The following ZFHX3 variants were observed in gnomAD, a reference collection of about 807,000 sequenced individuals.
ZFHX3 encodes the protein zinc finger homeobox protein 3.
Under a neutral mutation model 279.1 loss-of-function variants are expected in ZFHX3, and 42 were observed. That is an observed-to-expected ratio of 0.15 (90% CI 0.12 to 0.19). ZFHX3 has a LOEUF of 0.19. Ranked by LOEUF, ZFHX3 falls within the 10% of genes least tolerant of loss-of-function variation. ZFHX3 has a pLI of 1.00. For synonymous variants in ZFHX3, 2,293 were observed against 1,957.8 expected, an observed-to-expected ratio of 1.17 and a Z score of -4.52; for missense variants, 4,981 against 4,754.0, an observed-to-expected ratio of 1.05 and a Z score of -1.40.
At chr16:73,484,947 A>T (rs141054830) in intron 2 of ZFHX3, among the ~76,000 whole-genome samples, 26 of 151,954 alleles carry the variant, frequency 1.7e-4, no homozygotes, top group Non-Finnish European at 2.5e-4. Context: ...TCGCCTTTAG[A>T]ACCAGACAGA....
At chr16:73,378,881 T>G (rs1206394310) in intron 3 of ZFHX3, among the ~76,000 whole-genome samples, 2 of 152,236 alleles carry the variant, frequency 1.3e-5, no homozygotes, top group Admixed American at 1.3e-4. Flanking sequence ...CCGAGATACT[T>G]ACTGTAGTAC....
chr16:73,659,636 C>T (rs2052759464), intron 2 of ZFHX3, among the ~76,000 whole-genome samples: 1 of 152,084 alleles, frequency 6.6e-6, no homozygotes, highest in South Asian at 2.1e-4. Context: ...TCTTAGTTAA[C>T]TGGATACACA....
chr16:73,713,582 C>T (rs562053375), intron 1 of ZFHX3, among the ~76,000 whole-genome samples: 6 of 151,990 alleles, frequency 3.9e-5, no homozygotes, highest in Admixed American at 6.6e-5. Flanking sequence ...CCGCAGCCAA[C>T]GGCAGCCAAA....
intron 1 of ZFHX3, among the ~76,000 whole-genome samples, chr16:73,857,511 C>T (rs780984065): frequency 6.6e-6 from 1 of 152,140 alleles, no homozygotes. Flanking sequence ...CCTTATTACA[C>T]CACTGAGAAA....
At chr16:73,801,422 C>A (rs1223291616) in intron 1 of ZFHX3, among the ~76,000 whole-genome samples, 2 of 152,156 alleles carry the variant, frequency 1.3e-5, no homozygotes, top group Non-Finnish European at 2.9e-5. Context: ...GTGTTCAATC[C>A]TTTCCTCTGA....
At chr16:73,527,690 G>A (rs935373056) in intron 2 of ZFHX3, among the ~76,000 whole-genome samples, 23 of 152,210 alleles carry the variant, frequency 1.5e-4, no homozygotes, top group African/African-American at 5.5e-4. Context: ...TCACTCTGGA[G>A]GAAGCAAGCT....
chr16:73,803,235 A>G (rs373695304), intron 1 of ZFHX3, among the ~76,000 whole-genome samples: 4 of 152,362 alleles, frequency 2.6e-5, no homozygotes, highest in South Asian at 4.1e-4. Flanking sequence ...TACAAAAGAT[A>G]CCCAACTCCA....
intron 3 of ZFHX3, among the ~76,000 whole-genome samples, chr16:73,408,337 A>T (rs1265900490): frequency 6.6e-6 from 1 of 152,148 alleles, no homozygotes; most frequent in Non-Finnish European, 1.5e-5. Flanking sequence ...CAACTCGGAC[A>T]AGCCAGAGTC....
rs1233139377 is a variant in ZFHX3 at position 73,058,452 on chromosome 16, C to G, written c.-24+78G>C. 36 of 174,040 alleles carry G rather than the reference C, an allele frequency of 2.1e-4. No homozygotes were observed. The South Asian group carries it at 6.3e-3, about 31-fold the overall frequency. The allele number at this position is 174,040 out of a possible 1,614,324, so 10.8% of individuals were successfully genotyped here. A position where few individuals can be genotyped will look rare whatever the true frequency, so the allele number is the denominator to read the frequency against. ...CGCCCCGAGGAGCCCCGCGTCCGGG[C>G]GGTGGCGGCGGGAGGAGGAGGAGGA... On this transcript the variant is annotated intron_variant, in intron 1 of 8. Transcript: ENST00000397992.
chr16:73,739,274 G>C (rs951278877), intron 1 of ZFHX3, among the ~76,000 whole-genome samples: 1 of 152,164 alleles, frequency 6.6e-6, no homozygotes, highest in African/African-American at 2.4e-5. Context: ...CTCAGTGGTT[G>C]GAATCCACTC....
intron 1 of ZFHX3, among the ~76,000 whole-genome samples, chr16:73,694,021 A>G (rs2053172608): frequency 1.3e-5 from 1 of 78,614 alleles, no homozygotes; most frequent in African/African-American, 3.5e-5. Flanking sequence ...GTTTCGTTTT[A>G]GCTAAAAAAA....
At chr16:73,734,397 G>A (rs2053592797) in intron 1 of ZFHX3, among the ~76,000 whole-genome samples, 1 of 152,130 alleles carries the variant, frequency 6.6e-6, no homozygotes, top group Non-Finnish European at 1.5e-5. Flanking sequence ...TCTTAATTTG[G>A]TAAAATATTC....
intron 1 of ZFHX3, among the ~76,000 whole-genome samples, chr16:73,700,740 G>T (rs929854161): frequency 1.3e-5 from 2 of 152,126 alleles, no homozygotes; most frequent in Non-Finnish European, 2.9e-5. Context: ...AAGCAATCAA[G>T]GTTCTAGGGA....
intron 1 of ZFHX3, among the ~76,000 whole-genome samples, chr16:73,776,138 C>T (rs982143690): frequency 1.3e-5 from 2 of 152,164 alleles, no homozygotes; most frequent in South Asian, 2.1e-4. Context: ...ATGCCAAAAT[C>T]GCTTTCATTT....
chr16:73,400,021 A>G (rs1351367306), intron 3 of ZFHX3: 1 of 151,896 alleles, frequency 6.6e-6, no homozygotes, highest in Non-Finnish European at 1.5e-5. Context: ...AGCTATCCTG[A>G]GCGAGGCTTT....
chr16:73,459,336 T>C (rs942263662), intron 2 of ZFHX3, among the ~76,000 whole-genome samples: 4 of 152,274 alleles, frequency 2.6e-5, no homozygotes, highest in South Asian at 2.1e-4. Context: ...AGGTAATTTA[T>C]AAAGGAAAGA....
rs192957843 is a variant in ZFHX3, at chr16:72,825,582, G to A, written c.3529+4197C>T. Among the ~76,000 whole-genome samples the A allele has an allele frequency of 1.0e-3, 153 of 152,308 alleles. 1 individual carries two copies. Among genetic ancestry groups the A allele is most frequent in the Admixed American group, 8.6e-3 (132 of 15,312 alleles). On this transcript the variant is annotated intron_variant, in intron 5 of 9. Coordinates refer to ENST00000268489, the MANE Select transcript of ZFHX3 (RefSeq NM_006885.4). ...TGATGGCAAATTGGGATAAACAGAT[G>A]AAGCAGGACCTGTGTACCTGTGAGC...
intron 3 of ZFHX3, among the ~76,000 whole-genome samples, chr16:72,925,641 T>G (rs1257847490): frequency 1.3e-5 from 2 of 152,212 alleles, no homozygotes; most frequent in Non-Finnish European, 2.9e-5. Flanking sequence ...GCCTTTCACT[T>G]TGAAGCAATG....
intron 5 of ZFHX3, among the ~76,000 whole-genome samples, chr16:73,189,657 G>T (rs374132648): frequency 6.6e-6 from 1 of 152,192 alleles, no homozygotes; most frequent in East Asian, 1.9e-4. Context: ...TGGTTTCTGA[G>T]GGCAGCCCTG....
Sources: gnomAD v4.1 joint callset for allele counts (sites outside exome capture counted in the v4.1 genomes callset) on GRCh38, gnomAD v4.1.1 for gene constraint, MANE v1.5 for transcripts, NCBI Gene and HGNC (gene_info 2026-07-23, HGNC 2026-07-21) for gene names.